NRBP1: variants seen among roughly 807,000 people sequenced by gnomAD.
NRBP1 encodes the protein nuclear receptor-binding protein.
Under a neutral mutation model 76.0 loss-of-function variants are expected in NRBP1, and 10 were observed. The ratio of observed to expected loss-of-function variants is 0.13; its 90% CI spans 0.08 to 0.22. The LOEUF is 0.22. Among genes scored for constraint, NRBP1 ranks in the 10% least tolerant of loss-of-function variants. The probability of loss-of-function intolerance (pLI) is 1.00; values close to 1 mark genes in which losing one functional copy is unlikely to be tolerated. For synonymous variants in NRBP1, 235 were observed against 240.2 expected, an observed-to-expected ratio of 0.98 and a Z score of 0.20; for missense variants, 344 against 646.0, an observed-to-expected ratio of 0.53 and a Z score of 5.07.
intron 11 of NRBP1, chr2:27,440,171 C>G: frequency 8.8e-6 from 5 of 565,900 alleles, no homozygotes; most frequent in Non-Finnish European, 1.2e-5. Flanking sequence ...GCCACCATGC[C>G]TGGGTAATTT....
chr2:27,442,065 G>A lies in NRBP1; in HGVS notation c.*253G>A, dbSNP rs1220538835. 1.9e-6 allele frequency: 1 copy of A among 535,888 alleles called. No individual in the cohort carries two copies. The highest frequency in any genetic ancestry group is 3.3e-6 in the Non-Finnish European group (1 of 306,638). The allele number at this position is 535,888 out of a possible 1,614,324, so 33.2% of individuals were successfully genotyped here. ...TTCTCAGCAGCCGCCTTCTAGTTGG[G>A]GGCTAGTCGCTGATCTGCCGGCTCC... On this transcript the variant is annotated 3_prime_UTR_variant, in exon 18 of 18. Coordinates refer to ENST00000379852, the MANE Select transcript of NRBP1 (RefSeq NM_013392.4).
At chr2:27,437,404 T>C (rs1177674953) in intron 10 of NRBP1, 44 bp downstream of exon 10, 2 of 1,435,250 alleles carry the variant, frequency 1.4e-6, no homozygotes, top group Non-Finnish European at 2.0e-6. Flanking sequence ...GACCTTCAAA[T>C]GTCTTCTGGT....
chr2:27,429,341 C>T (rs932122250), intron 1 of NRBP1: 1 of 152,396 alleles, frequency 6.6e-6, no homozygotes, highest in African/African-American at 2.4e-5. Flanking sequence ...TGCTGCGGGT[C>T]TCAGAGGCCC....
At chr2:27,440,559 G>C in intron 12 of NRBP1, 51 bp downstream of exon 12, 1 of 1,597,162 alleles carries the variant, frequency 6.3e-7, no homozygotes, top group South Asian at 1.1e-5. Context: ...GACCACTCTT[G>C]AGGCTCTGTA....
At chr2:27,440,374 A>G (rs750539128) in intron 11 of NRBP1, 29 bp from the exon 12 acceptor site, 5 of 1,443,730 alleles carry the variant, frequency 3.5e-6, no homozygotes, top group Non-Finnish European at 4.9e-6. Context: ...CTATCCCTTC[A>G]TAATATCCCA....
At chr2:27,433,947 T>G (rs764528818) in intron 3 of NRBP1, 42 bp from the exon 4 acceptor site, 4 of 1,547,296 alleles carry the variant, frequency 2.6e-6, no homozygotes, top group Non-Finnish European at 3.5e-6. Flanking sequence ...ATTATTACAG[T>G]GATTTGTGAC....
Position 27,428,673 on chromosome 2 carries a change from CG to C in NRBP1, c.-75del. ...CAGCTGTGAGGGAGTCGCTGTGATC[CG>C]GGGCCCCGGAACCCGAGCTGGAGCT... On this transcript the variant is annotated 5_prime_UTR_variant, in exon 1 of 18. Coordinates refer to ENST00000379852, the MANE Select transcript of NRBP1 (RefSeq NM_013392.4). 1 of 397,886 alleles carries C rather than the reference CG, an allele frequency of 2.5e-6. No individual in the cohort carries two copies. The highest frequency in any genetic ancestry group is 4.4e-6 in the Non-Finnish European group (1 of 225,598). 24.6% of individuals were successfully genotyped at this position (397,886 alleles called of 1,614,324 possible).
Position 27,440,709 on chromosome 2 carries a change from G to C in NRBP1, c.1193+7G>C. Reference sequence around the variant, plus strand: ...AATTCCTTGAAGATGTCAGGTGAGAGCAGAGTGAGAAGCAGGCTTTCTTGA... The same window carrying C: ...AATTCCTTGAAGATGTCAGGTGAGACCAGAGTGAGAAGCAGGCTTTCTTGA... On this transcript the variant is annotated splice_region_variant and intron_variant, in intron 13 of 17. Coordinates refer to ENST00000379852, the MANE Select transcript of NRBP1 (RefSeq NM_013392.4). 6.2e-7 allele frequency: 1 copy of C among 1,614,202 alleles called. No individual in the cohort carries two copies. Among genetic ancestry groups the C allele is most frequent in the East Asian group, 2.2e-5 (1 of 44,884 alleles).
intron 7 of NRBP1, chr2:27,436,507 G>A: frequency 2.0e-6 from 1 of 496,556 alleles, no homozygotes; most frequent in East Asian, 3.5e-5. Flanking sequence ...TGTTAATTTA[G>A]TCTGGTGCTT....
Position 27,434,025 on chromosome 2 carries a change from T to C in NRBP1, c.370T>C (p.Leu124=), listed in dbSNP as rs141530722. ...VRAVFDNLIQ[L]EHLNIVKFHK... is the part of the protein sequence containing the mutation. The stretch of plus-strand genomic sequence containing the variant: ...TGCTGTGTTTGATAATCTGATTCAA[T>C]TGGAGCATCTTAACATTGTTAAGTT... Residue 124 remains leucine, a synonymous_variant, in exon 4 of 18, where the codon TTG becomes CTG. Transcript: ENST00000379852. 1.2e-4 allele frequency: 187 copies of C among 1,614,186 alleles called. No individual in the cohort carries two copies. Among genetic ancestry groups the C allele is most frequent in the African/African-American group, 5.3e-5 (4 of 75,044 alleles).
At chr2:27,437,963 G>C (rs1264754203) in intron 10 of NRBP1, among the ~76,000 whole-genome samples, 3 of 151,856 alleles carry the variant, frequency 2.0e-5, no homozygotes, top group Non-Finnish European at 1.5e-5. Context: ...GAGGCGGGTG[G>C]ATCACTTGAG....
Position 27,435,830 on chromosome 2 carries a change from G to T in NRBP1, c.661+603G>T. Reference sequence around the variant, plus strand: ...GGCTGCCCAGTGCATGCAGTCGTGGGAGCAAACCCTCTTCCCCTATCTTCC... The same window carrying T: ...GGCTGCCCAGTGCATGCAGTCGTGGTAGCAAACCCTCTTCCCCTATCTTCC... On this transcript the variant is annotated intron_variant, in intron 7 of 17. Coordinates refer to ENST00000379852, the MANE Select transcript of NRBP1 (RefSeq NM_013392.4). 1.1e-5 allele frequency: 8 copies of T among 716,522 alleles called. 1 individual carries two copies. The South Asian group carries it at 1.2e-4, about 11-fold the overall frequency. The allele number at this position is 716,522 out of a possible 1,614,324, so 44.4% of individuals were successfully genotyped here.
intron 2 of NRBP1, 38 bp from the exon 3 acceptor site, chr2:27,433,635 G>C: frequency 5.0e-6 from 8 of 1,613,234 alleles, no homozygotes; most frequent in Non-Finnish European, 5.9e-6. Flanking sequence ...GGATTTGTGA[G>C]ATAAGTTTAA....
intron 10 of NRBP1, among the ~76,000 whole-genome samples, chr2:27,437,759 G>C (rs1664366736): frequency 1.3e-5 from 2 of 151,960 alleles, no homozygotes; most frequent in Admixed American, 1.3e-4. Context: ...TGTAGTCCCA[G>C]CTACTCAGGA....
intron 10 of NRBP1, among the ~76,000 whole-genome samples, chr2:27,439,484 CAAAAA>C (rs70953858): frequency 3.0e-5 from 2 of 66,684 alleles, no homozygotes. Context: ...GACTCCGTCT[CAAAAA>C]AAAAAAAAAA....
intron 7 of NRBP1, 65 bp from the exon 8 acceptor site, chr2:27,436,688 C>G (rs764384892): frequency 6.8e-7 from 1 of 1,460,996 alleles, no homozygotes; most frequent in Non-Finnish European, 9.6e-7. Flanking sequence ...TTTGGGGCCT[C>G]TCTCTGGAGT....
intron 3 of NRBP1, 79 bp from the exon 4 acceptor site, chr2:27,433,910 G>C (rs1218650770): frequency 1.4e-5 from 23 of 1,594,014 alleles, no homozygotes; most frequent in Non-Finnish European, 2.0e-5. Flanking sequence ...ATCGTTTCTG[G>C]GGAGGGATAG....
chr2:27,441,687 T>TA, intron 17 of NRBP1, 21 bp from the exon 18 acceptor site: 1 of 1,611,598 alleles, frequency 6.2e-7, no homozygotes, highest in South Asian at 1.1e-5. Flanking sequence ...GCCCCCATCT[T>TA]ACTGAGCTCT....
chr2:27,441,279 C>A lies in NRBP1; in HGVS notation c.1396C>A (p.Leu466Met), dbSNP rs1245116659. 1 of 1,613,980 alleles carries A rather than the reference C, an allele frequency of 6.2e-7. No individual in the cohort carries two copies. Among genetic ancestry groups the A allele is most frequent in the African/African-American group, 1.3e-5 (1 of 74,882 alleles). Residue 466 changes from leucine (L) to methionine (M), a missense_variant, in exon 16 of 18, where the codon CTG becomes ATG. Transcript: ENST00000379852. ...TCCTATTCTCCAGCTGACACTTCTG[C>A]TGAAGTTGGAGGACAAACTGAACCG... Reference protein sequence around the residue: ...EGVKHHLTLLLKLEDKLNRHL... With the variant: ...EGVKHHLTLLMKLEDKLNRHL...
Sources: allele counts gnomAD v4.1 joint callset (sites outside exome capture counted in the v4.1 genomes callset), GRCh38; gene constraint gnomAD v4.1.1; transcripts MANE v1.5; gene names NCBI Gene and HGNC (gene_info 2026-07-23, HGNC 2026-07-21).